BRAT1: variants seen among roughly 807,000 people sequenced by gnomAD.
BRAT1 encodes the protein integrator complex assembly factor BRAT1.
In BRAT1, 74 loss-of-function variants were observed where a neutral mutation model predicts 70.6. That is an observed-to-expected ratio of 1.05 (90% CI 0.87 to 1.27). BRAT1 has a LOEUF of 1.27. Ranked by LOEUF, BRAT1 falls within the 50% of genes most tolerant of loss-of-function variation. The pLI, the probability that BRAT1 is intolerant of heterozygous loss-of-function variation, is 0.00. For missense variants in BRAT1, 1,203 were observed against 1,098.2 expected, an observed-to-expected ratio of 1.10 and a Z score of -1.35; for synonymous variants, 615 against 517.1, an observed-to-expected ratio of 1.19 and a Z score of -2.57.
intron 12 of BRAT1, 65 bp from the exon 13 acceptor site, chr7:2,539,416 C>A: frequency 6.5e-7 from 1 of 1,539,630 alleles, no homozygotes; most frequent in Admixed American, 1.9e-5. Context: ...TCGGCCTCTG[C>A]CTCCATCCCC....
intron 2 of BRAT1, among the ~76,000 whole-genome samples, chr7:2,551,894 A>G (rs1394914267): frequency 1.3e-5 from 2 of 150,586 alleles, no homozygotes; most frequent in African/African-American, 4.9e-5. Flanking sequence ...TTAAAAATCA[A>G]TAATAAAAAG....
At chr7:2,553,854 C>T (rs1780217736) in intron 2 of BRAT1, among the ~76,000 whole-genome samples, 1 of 151,314 alleles carries the variant, frequency 6.6e-6, no homozygotes, top group African/African-American at 2.4e-5. Context: ...CTATGTTGGA[C>T]CAGGCTGGTC....
At chr7:2,552,962 T>C (rs910651900) in intron 2 of BRAT1, among the ~76,000 whole-genome samples, 19 of 150,664 alleles carry the variant, frequency 1.3e-4, no homozygotes, top group Non-Finnish European at 1.5e-5. Context: ...GCCAGGAGGG[T>C]CTTGATCTCC....
rs770155018 is a variant in BRAT1 at position 2,539,686 on chromosome 7, T to C, written c.1499-44A>G. On this transcript the variant is annotated intron_variant, in intron 11 of 13. Coordinates refer to ENST00000340611, the MANE Select transcript of BRAT1 (RefSeq NM_152743.4). ...GGTCAGGGTGACCTTGGGGCCAGGC[T>C]CACCCTGCCCTCAGAGCCAGCTGAG... 5.1e-6 allele frequency: 8 copies of C among 1,557,456 alleles called. No individual in the cohort carries two copies. The East Asian group carries it at 1.9e-4, about 37-fold the overall frequency.
chr7:2,539,057 G>T, intron 13 of BRAT1, 122 bp downstream of exon 13: 3 of 1,467,126 alleles, frequency 2.0e-6, no homozygotes, highest in South Asian at 1.4e-5. Flanking sequence ...CACTGCTGCA[G>T]GCGCTGCCCA....
intron 2 of BRAT1, among the ~76,000 whole-genome samples, chr7:2,553,814 GTT>G (rs765357895): frequency 1.5e-5 from 2 of 133,276 alleles, no homozygotes; most frequent in Admixed American, 7.5e-5. Flanking sequence ...GCTAATTTTT[GTT>G]TTTTTTTTTT....
chr7:2,542,415 A>C, intron 6 of BRAT1: 3 of 597,128 alleles, frequency 5.0e-6, no homozygotes, highest in East Asian at 2.9e-5. Flanking sequence ...TGGGCCTGAC[A>C]CTCCTGATGT....
Position 2,537,829 on chromosome 7 carries a change from T to TATTAA in BRAT1, c.*235_*239dup, listed in dbSNP as rs1408078404. 3 of 555,434 alleles carry TATTAA rather than the reference T, an allele frequency of 5.4e-6. No individual in the cohort carries two copies. The highest frequency in any genetic ancestry group is 8.5e-6 in the Non-Finnish European group (3 of 354,094). The allele number at this position is 555,434 out of a possible 1,614,324, so 34.4% of individuals were successfully genotyped here. Reference sequence around the variant, plus strand: ...CTGGACCCTTGTCTCAGATCATTATTATTAAATTAACTCAAAAAGGGTTAA... The same window carrying TATTAA: ...CTGGACCCTTGTCTCAGATCATTATTATTAAATTAAATTAACTCAAAAAGGGTTAA... On this transcript the variant is annotated 3_prime_UTR_variant, in exon 14 of 14. Transcript: ENST00000340611.
chr7:2,539,757 C>T (rs767624248), intron 11 of BRAT1, 29 bp downstream of exon 11: 3 of 1,591,418 alleles, frequency 1.9e-6, no homozygotes, highest in South Asian at 2.3e-5. Flanking sequence ...GACTCCAGCT[C>T]CGTTCACCCC....
Position 2,541,821 on chromosome 7 carries a change from G to A in BRAT1, c.1031C>T (p.Thr344Met), listed in dbSNP as rs371239207. 27 of 1,612,772 alleles carry A rather than the reference G, an allele frequency of 1.7e-5. No individual in the cohort carries two copies. Among genetic ancestry groups the A allele is most frequent in the South Asian group, 3.3e-5 (3 of 91,062 alleles). The change falls in exon 8 of 14, where the codon ACG becomes ATG. Residue 344 changes from threonine to methionine, a missense_variant. Thr to Met is a moderately conservative substitution (Grantham distance 81, BLOSUM62 -1). Coordinates refer to ENST00000340611, the MANE Select transcript of BRAT1 (RefSeq NM_152743.4). ...GTCCACCGTCGTGGCATCGTCTGCC[G>A]TCCCGTCCAGCAAGCCTGGGGGCCA... ...APGPPGLLDG[T>M]ADDATTVDTL...
At chr7:2,551,679 C>CA (rs547879749) in intron 2 of BRAT1, among the ~76,000 whole-genome samples, 2,024 of 93,298 alleles carry the variant, frequency 0.022, 26 homozygotes, top group African/African-American at 0.056. Context: ...AACCCTGGCT[C>CA]AAAAAAAAAA....
chr7:2,541,522 C>A, intron 8 of BRAT1, 38 bp from the exon 9 acceptor site: 1 of 1,508,534 alleles, frequency 6.6e-7, no homozygotes. Flanking sequence ...GTTGCGGTCC[C>A]ACTGCCGGCG....
rs771187350 is a variant in BRAT1, at chr7:2,543,525, C to G, written c.803+65G>C. ...GTCTCCGGCTGCCAGTGGGACATCC[C>G]TGGGCGTTATCCGAGGAAAACAGTT... On this transcript the variant is annotated intron_variant, in intron 5 of 13. Transcript: ENST00000340611. This position sits in a 1 kb window ranked among gnomAD's most constrained non-coding sequence, Gnocchi z 5.5. The G allele has an allele frequency of 2.0e-4, 297 of 1,495,460 alleles. No individual in the cohort carries two copies. The highest frequency in any genetic ancestry group is 5.1e-4 in the Admixed American group (22 of 43,172). 92.6% of individuals were successfully genotyped at this position (1,495,460 alleles called of 1,614,324 possible).
Position 2,539,596 on chromosome 7 carries a change from C to G in BRAT1, c.1545G>C (p.Glu515Asp). ...GGAACTCGAGGGCGGAGTCCCTCAC[C>G]TCCCAGCAGGGGTGGCACAGGCGTT... ...LQKRLCHPCW[E>D]VRDSALEFLT... The change falls in exon 12 of 14, where the codon GAG becomes GAC. Residue 515 changes from glutamate to aspartate, a missense_variant. Transcript: ENST00000340611. 6.3e-7 allele frequency: 1 copy of G among 1,591,442 alleles called. No homozygotes were observed. Among genetic ancestry groups the G allele is most frequent in the Non-Finnish European group, 8.6e-7 (1 of 1,168,372 alleles).
chr7:2,551,820 A>G (rs1027831087), intron 2 of BRAT1, among the ~76,000 whole-genome samples: 1 of 151,788 alleles, frequency 6.6e-6, no homozygotes, highest in African/African-American at 2.4e-5. Flanking sequence ...ATGTCTCAAT[A>G]AAAGTCTCAA....
chr7:2,554,449 T>C lies in BRAT1; in HGVS notation c.-16-2A>G. ...GGGTCCATGGTGAGGCCGCAGGCCCTGCAAAGGCAATGTGAGAGCCAAACC... is the reference window on the plus strand; with the variant it reads ...GGGTCCATGGTGAGGCCGCAGGCCCCGCAAAGGCAATGTGAGAGCCAAACC... On this transcript the variant is annotated splice_acceptor_variant, in intron 1 of 13. Coordinates refer to ENST00000340611, the MANE Select transcript of BRAT1 (RefSeq NM_152743.4). LOFTEE classifies it low-confidence loss of function (5UTR_SPLICE). 1 of 1,609,924 alleles carries C rather than the reference T, an allele frequency of 6.2e-7. No homozygotes were observed. Among genetic ancestry groups the C allele is most frequent in the East Asian group, 2.2e-5 (1 of 44,836 alleles).
At chr7:2,547,267 G>A in intron 3 of BRAT1, 57 bp downstream of exon 3, 1 of 1,594,208 alleles carries the variant, frequency 6.3e-7, no homozygotes, top group Admixed American at 1.7e-5. Flanking sequence ...CTGGCTGCGG[G>A]AGGAAAAGCC....
In BRAT1 at chr7:2,543,398, A is replaced by G; in HGVS notation, c.804-75T>C. ...CATTCGAGGCCTGGCTGAGACTGCCATGGCTCCGGCACTGGAGGCGCCCAG... is the reference window on the plus strand; with the variant it reads ...CATTCGAGGCCTGGCTGAGACTGCCGTGGCTCCGGCACTGGAGGCGCCCAG... On this transcript the variant is annotated intron_variant, in intron 5 of 13. Coordinates refer to ENST00000340611, the MANE Select transcript of BRAT1 (RefSeq NM_152743.4). This position sits in a 1 kb window ranked among gnomAD's most constrained non-coding sequence, Gnocchi z 5.5. The G allele has an allele frequency of 6.6e-7, 1 of 1,508,876 alleles. No individual in the cohort carries two copies. The highest frequency in any genetic ancestry group is 1.3e-5 in the South Asian group (1 of 76,056). 93.5% of individuals were successfully genotyped at this position (1,508,876 alleles called of 1,614,324 possible).
intron 2 of BRAT1, among the ~76,000 whole-genome samples, chr7:2,552,686 G>T (rs577284572): frequency 6.6e-6 from 1 of 151,750 alleles, no homozygotes; most frequent in South Asian, 2.1e-4. Flanking sequence ...TATCAACCAT[G>T]AGAATAAACA....
Sources: allele counts gnomAD v4.1 joint callset (sites outside exome capture counted in the v4.1 genomes callset), GRCh38; gene constraint gnomAD v4.1.1; non-coding constraint Gnocchi (gnomAD v3.1); transcripts MANE v1.5; gene names NCBI Gene and HGNC (gene_info 2026-07-23, HGNC 2026-07-21).